Variants in COL2A1 observed in about 807,000 individuals in gnomAD.
The protein encoded by COL2A1 is collagen alpha-1(II) chain.
A neutral mutation model predicts 204.5 loss-of-function variants in COL2A1; 28 were observed. The ratio of observed to expected loss-of-function variants is 0.14; its 90% CI spans 0.10 to 0.19. COL2A1 has a LOEUF of 0.19. Ranked by LOEUF, COL2A1 falls within the 10% of genes least tolerant of loss-of-function variation. The pLI, the probability that COL2A1 is intolerant of heterozygous loss-of-function variation, is 1.00. For missense variants in COL2A1, 1,388 were observed against 2,027.5 expected (o/e 0.68, Z 6.06); for synonymous variants, 708 against 718.7 (o/e 0.99, Z 0.24).
At chr12:47,993,929 C>T (rs1359547694) in intron 13 of COL2A1, 65 bp downstream of exon 13, 4 of 1,611,180 alleles carry the variant, frequency 2.5e-6, no homozygotes, top group African/African-American at 2.7e-5. Flanking sequence ...ATGCACGCAC[C>T]CCAAAGTGCT....
At chr12:47,998,969 C>T (rs1940099999) in intron 2 of COL2A1, 1 of 155,566 alleles carries the variant, frequency 6.4e-6, no homozygotes, top group South Asian at 2.0e-4. Flanking sequence ...ACCTCTCCTT[C>T]ACAGTAGCAG....
In COL2A1 at chr12:47,982,736, C is replaced by A. The variant is rs562167405; in HGVS notation, c.2193+112G>T. On this transcript the variant is annotated intron_variant, in intron 33 of 53. Transcript: ENST00000380518. ...CCTTCCTCCCATGTAGACCTCCTTT[C>A]CAGCTCCCCCCACTTCTGTTCTTCA... 7 of 1,273,794 alleles carry A rather than the reference C, an allele frequency of 5.5e-6. No homozygotes were observed. The African/African-American group carries it at 1.0e-4, about 19-fold the overall frequency. 78.9% of individuals were successfully genotyped at this position (1,273,794 alleles called of 1,614,324 possible). A position where few individuals can be genotyped will look rare whatever the true frequency, so the allele number is the denominator to read the frequency against.
At position 47,987,187 on chromosome 12, in the gene COL2A1, GAGA is replaced by G. The variant is rs764785898; in HGVS notation, c.1267-14_1267-12del. Reference sequence around the variant, plus strand: ...AATGCCAGGAGCACCCTGTGGGCATGAGAAGAAGGGAGGGGTGTCAGGAGAGGG... The same window carrying G: ...AATGCCAGGAGCACCCTGTGGGCATGAGAAGGGAGGGGTGTCAGGAGAGGG... On this transcript the variant is annotated splice_polypyrimidine_tract_variant and intron_variant, in intron 20 of 53. Transcript: ENST00000380518. This position sits in a 1 kb window ranked among gnomAD's most constrained non-coding sequence, Gnocchi z 4.1. The G allele has an allele frequency of 1.5e-5, 24 of 1,613,830 alleles. No homozygotes were observed. Among genetic ancestry groups the G allele is most frequent in the Non-Finnish European group, 1.9e-5 (23 of 1,179,850 alleles).
chr12:47,977,024 C>T, intron 47 of COL2A1, 78 bp downstream of exon 47: 1 of 1,552,340 alleles, frequency 6.4e-7, no homozygotes, highest in Non-Finnish European at 8.8e-7. Context: ...GGCTGGAGGC[C>T]CAGGAACCAC....
intron 15 of COL2A1, 52 bp from the exon 16 acceptor site, chr12:47,992,983 G>GGGT: frequency 6.4e-7 from 1 of 1,574,400 alleles, no homozygotes; most frequent in Non-Finnish European, 8.7e-7. Flanking sequence ...ACGGTGCTCA[G>GGGT]GGTGACCATT....
upstream of COL2A1, among the ~76,000 whole-genome samples, chr12:48,004,918 A>T (rs1415619876): frequency 6.6e-6 from 1 of 152,360 alleles, no homozygotes; most frequent in East Asian, 1.9e-4. Context: ...AGAAAGGAGC[A>T]GCGGAGGGCG....
At chr12:47,989,686 T>A in intron 17 of COL2A1, 75 bp downstream of exon 17, 1 of 1,338,418 alleles carries the variant, frequency 7.5e-7, no homozygotes. Context: ...CAATACACCC[T>A]GCAGACTGCC....
chr12:47,997,810 G>A, intron 6 of COL2A1, 61 bp downstream of exon 6: 1 of 1,610,200 alleles, frequency 6.2e-7, no homozygotes, highest in Non-Finnish European at 8.5e-7. Flanking sequence ...TTAAACACAT[G>A]GTGGGGCCTT....
chr12:47,996,232 A>G (rs1448209394), intron 8 of COL2A1, among the ~76,000 whole-genome samples: 1 of 152,214 alleles, frequency 6.6e-6, no homozygotes, highest in African/African-American at 2.4e-5. Flanking sequence ...AAGTCTGTGG[A>G]TGCTGGAGAA....
At position 47,987,590 on chromosome 12, in the gene COL2A1, C is replaced by T. The variant is rs540272935; in HGVS notation, c.1221+21G>A. On this transcript the variant is annotated intron_variant, in intron 19 of 53. Transcript: ENST00000380518. This position sits in a 1 kb window ranked among gnomAD's most constrained non-coding sequence, Gnocchi z 4.1. The stretch of plus-strand genomic sequence containing the variant: ...GCCACAGACCCCAGACCCCCCCAGG[C>T]CAAAGAGAAGCTGCACTTACGGAGG... 4.1e-5 allele frequency: 66 copies of T among 1,599,470 alleles called. No homozygotes were observed. The East Asian group carries it at 1.5e-3, about 36-fold the overall frequency.
Position 47,978,333 on chromosome 12 carries a change from C to T in COL2A1, c.2961G>A (p.Gly987=), listed in dbSNP as rs372938742. The T allele has an allele frequency of 1.4e-5, 23 of 1,614,062 alleles. No individual in the cohort carries two copies. Among genetic ancestry groups the T allele is most frequent in the Non-Finnish European group, 1.7e-5 (20 of 1,180,026 alleles). Residue 987 remains glycine (G), a synonymous_variant, in exon 43 of 54, where the codon GGG becomes GGA. Coordinates refer to ENST00000380518, the MANE Select transcript of COL2A1 (RefSeq NM_001844.5). The surrounding 1 kb of genome is among the most constrained non-coding windows in gnomAD (Gnocchi z 5.5). ...CAGGGAATCCTCTCTCACCACGTTG[C>T]CCAGGCAGACCGACGATGCCTCTCT... ...AGQRGIVGLP[G]QRGERGFPGL... is the part of the protein sequence containing the mutation.
rs1939178698 is a variant in COL2A1, at chr12:47,982,959, C to A, written c.2095-13G>T. 1 of 1,613,404 alleles carries A rather than the reference C, an allele frequency of 6.2e-7. No individual in the cohort carries two copies. The highest frequency in any genetic ancestry group is 8.5e-7 in the Non-Finnish European group (1 of 1,179,684). ...AACCTCGTTCACCCTGCGGCAGAGA[C>A]ACCAAGAAGTGATCAACCAACAGCA... On this transcript the variant is annotated splice_polypyrimidine_tract_variant and intron_variant, in intron 32 of 53. Coordinates refer to ENST00000380518, the MANE Select transcript of COL2A1 (RefSeq NM_001844.5).
At chr12:47,982,290 G>T (rs912907016) in intron 34 of COL2A1, 130 bp from the exon 35 acceptor site, 10 of 886,058 alleles carry the variant, frequency 1.1e-5, no homozygotes, top group African/African-American at 4.9e-5. Flanking sequence ...GTGGTCTCAG[G>T]GTGGGTGAGG....
intron 22 of COL2A1, 68 bp downstream of exon 22, chr12:47,986,767 G>T: frequency 6.4e-7 from 1 of 1,574,718 alleles, no homozygotes; most frequent in South Asian, 1.1e-5. Context: ...TGGTGGGTCA[G>T]TGGGGCTGAG....
rs148257083 is a variant in COL2A1, at chr12:47,990,026, G to T, written c.1024-221C>A. On this transcript the variant is annotated intron_variant, in intron 16 of 53. Coordinates refer to ENST00000380518, the MANE Select transcript of COL2A1 (RefSeq NM_001844.5). ...CTAATCTTTTTTTGTTGTTGTTTTT[G>T]AGACGGAGTCTGGCTCTGTCGCCAG... is the stretch of plus-strand genomic sequence containing the variant. 0.016 allele frequency among the ~76,000 whole-genome samples: 2,416 copies of T among 152,150 alleles called. 62 individuals are homozygous for T. The highest frequency in any genetic ancestry group is 0.056 in the African/African-American group (2,306 of 41,502).
chr12:47,985,244 CAT>C (rs1272129455), intron 26 of COL2A1, 151 bp from the exon 27 acceptor site: 1 of 730,440 alleles, frequency 1.4e-6, no homozygotes, highest in Non-Finnish European at 2.4e-6. Flanking sequence ...CCCATGGGCC[CAT>C]CTACAACAAG....
intron 28 of COL2A1, 32 bp downstream of exon 28, chr12:47,984,514 C>A (rs757434949): frequency 2.4e-5 from 38 of 1,613,100 alleles, no homozygotes; most frequent in Non-Finnish European, 3.1e-5. Context: ...CCGGCCAACA[C>A]CAAGTCATGG....
At chr12:48,004,606 C>T (rs1459530822), upstream of COL2A1, 11 of 321,520 alleles carry the variant, frequency 3.4e-5, 1 homozygote, top group South Asian at 3.4e-4. Flanking sequence ...CCGGAGCCCG[C>T]CTGGGCCCTG....
rs1939936343 is a variant in COL2A1, at chr12:47,995,856, A to G, written c.654+19T>C. ...TCATCTGCGACACGATGGAGGCAAAAAGAATTGCAGATACTTACAGGAGCA... is the reference window on the plus strand; with the variant it reads ...TCATCTGCGACACGATGGAGGCAAAGAGAATTGCAGATACTTACAGGAGCA... On this transcript the variant is annotated intron_variant, in intron 9 of 53. Coordinates refer to ENST00000380518, the MANE Select transcript of COL2A1 (RefSeq NM_001844.5). The G allele has an allele frequency of 2.5e-6, 4 of 1,611,810 alleles. No individual in the cohort carries two copies. The highest frequency in any genetic ancestry group is 4.5e-5 in the East Asian group (2 of 44,876).
Sources: gnomAD v4.1 joint callset for allele counts (sites outside exome capture counted in the v4.1 genomes callset) on GRCh38, gnomAD v4.1.1 for gene constraint, Gnocchi (gnomAD v3.1) non-coding constraint, MANE v1.5 for transcripts, NCBI Gene and HGNC (gene_info 2026-07-23, HGNC 2026-07-21) for gene names.